Variants in UNC5C observed in about 807,000 individuals in gnomAD.
The protein encoded by UNC5C is unc-5 netrin receptor C.
In UNC5C, 47 loss-of-function variants were observed where a neutral mutation model predicts 99.8. The observed-to-expected ratio is 0.47, with a 90% CI of 0.37 to 0.60. The LOEUF (loss-of-function observed/expected upper bound fraction) is 0.60, where lower values mean the gene tolerates loss of function less well. Ranked by LOEUF, UNC5C falls within the 20% of genes least tolerant of loss-of-function variation. The pLI, the probability that UNC5C is intolerant of heterozygous loss-of-function variation, is 0.00. For synonymous variants in UNC5C, 487 were observed against 452.2 expected, an observed-to-expected ratio of 1.08 and a Z score of -0.98; for missense variants, 1,062 against 1,165.9, an observed-to-expected ratio of 0.91 and a Z score of 1.30.
At position 95,187,997 on chromosome 4, in the gene UNC5C, A is replaced by G. The variant is rs548845355; in HGVS notation, c.2137-2801T>C. Among the ~76,000 whole-genome samples the G allele has an allele frequency of 2.0e-5, 3 of 152,364 alleles. No homozygotes were observed. In the East Asian group the frequency reaches 5.8e-4, roughly 29 times the overall value. The stretch of plus-strand genomic sequence containing the variant: ...CAAAACATTGAGCATGCATATTTAT[A>G]AATTACATATCTCTATTATCAGTAT... On this transcript the variant is annotated intron_variant, in intron 12 of 15. Transcript: ENST00000453304.
At chr4:95,338,072 T>C (rs1044590890) in intron 1 of UNC5C, among the ~76,000 whole-genome samples, 2 of 152,024 alleles carry the variant, frequency 1.3e-5, no homozygotes, top group East Asian at 1.9e-4. Context: ...TTAGTAGATA[T>C]GTACAGTGGG....
At chr4:95,434,207 T>G (rs999506256) in intron 1 of UNC5C, among the ~76,000 whole-genome samples, 1 of 152,144 alleles carries the variant, frequency 6.6e-6, no homozygotes. Context: ...GAATGAATTA[T>G]AGCCCTCTTT....
chr4:95,511,318 T>C (rs1228343987), intron 1 of UNC5C, among the ~76,000 whole-genome samples: 2 of 151,944 alleles, frequency 1.3e-5, no homozygotes, highest in African/African-American at 4.8e-5. Context: ...ATCGGGTTAA[T>C]ATCAGGATCA....
At position 95,505,999 on chromosome 4, in the gene UNC5C, C is replaced by A. The variant is rs191846887; in HGVS notation, c.124+42735G>T. Among the ~76,000 whole-genome samples the A allele has an allele frequency of 5.1e-4, 78 of 151,912 alleles. 1 individual carries two copies. In the Admixed American group the frequency reaches 5.1e-3, roughly 10 times the overall value. ...TGCTACCAGAAGACTAGAAAATATGCTGACATGTGCCTTTTCTCTTAGTAT... is the reference window on the plus strand; with the variant it reads ...TGCTACCAGAAGACTAGAAAATATGATGACATGTGCCTTTTCTCTTAGTAT... On this transcript the variant is annotated intron_variant, in intron 1 of 15. Transcript: ENST00000453304.
At chr4:95,430,005 G>A (rs1746588670) in intron 1 of UNC5C, among the ~76,000 whole-genome samples, 1 of 152,076 alleles carries the variant, frequency 6.6e-6, no homozygotes, top group African/African-American at 2.4e-5. Flanking sequence ...GGGGTTAGTG[G>A]GGAGGGAGAG....
intron 1 of UNC5C, among the ~76,000 whole-genome samples, chr4:95,448,198 CTCTG>C (rs142131325): frequency 0.012 from 1,234 of 103,812 alleles, 16 homozygotes; most frequent in Middle Eastern, 0.024. Flanking sequence ...ATGTGTGTGT[CTCTG>C]TGTGTGTGTG....
In UNC5C at chr4:95,408,618, T is replaced by C. The variant is rs77602598; in HGVS notation, c.125-72987A>G. 2.8e-4 allele frequency among the ~76,000 whole-genome samples: 43 copies of C among 152,244 alleles called. 2 individuals are homozygous for C. In the East Asian group the frequency reaches 8.3e-3, roughly 29 times the overall value. On this transcript the variant is annotated intron_variant, in intron 1 of 15. Transcript: ENST00000453304. ...TATATACTAACTGAACACTGAACCG[T>C]TTAATAAGAAAGAGAATCAAGTTTG...
At chr4:95,423,197 T>G (rs1234310128) in intron 1 of UNC5C, among the ~76,000 whole-genome samples, 1 of 152,164 alleles carries the variant, frequency 6.6e-6, no homozygotes, top group Non-Finnish European at 1.5e-5. Context: ...AAAAATCATG[T>G]GAGTAGACTG....
At chr4:95,244,137 GAAGT>G (rs1267085922) in intron 6 of UNC5C, among the ~76,000 whole-genome samples, 1 of 152,154 alleles carries the variant, frequency 6.6e-6, no homozygotes, top group Non-Finnish European at 1.5e-5. Flanking sequence ...GCAAAAAGGA[GAAGT>G]AAGGAGGCTG....
intron 1 of UNC5C, among the ~76,000 whole-genome samples, chr4:95,470,260 A>G (rs1486573559): frequency 2.0e-5 from 3 of 152,154 alleles, no homozygotes; most frequent in Non-Finnish European, 4.4e-5. Context: ...AAATTGCTAC[A>G]ATCTCCAAAA....
chr4:95,515,373 T>G (rs929697444), intron 1 of UNC5C, among the ~76,000 whole-genome samples: 1 of 152,182 alleles, frequency 6.6e-6, no homozygotes, highest in Non-Finnish European at 1.5e-5. Flanking sequence ...TTGCCCAAAT[T>G]TAAACACTTA....
At chr4:95,465,906 TC>T (rs1387877810) in intron 1 of UNC5C, among the ~76,000 whole-genome samples, 1 of 152,164 alleles carries the variant, frequency 6.6e-6, no homozygotes, top group East Asian at 1.9e-4. Context: ...TCAGAGCTTT[TC>T]TTTGCCATAC....
At chr4:95,521,133 G>T (rs540349499) in intron 1 of UNC5C, among the ~76,000 whole-genome samples, 1 of 151,748 alleles carries the variant, frequency 6.6e-6, no homozygotes, top group African/African-American at 2.4e-5. Flanking sequence ...GGCTCTTTCT[G>T]GTTATATCCT....
intron 2 of UNC5C, among the ~76,000 whole-genome samples, chr4:95,319,516 A>G (rs1393792473): frequency 1.3e-5 from 2 of 152,234 alleles, no homozygotes; most frequent in African/African-American, 4.8e-5. Context: ...AGACCCTGAT[A>G]GTTGGCAAAT....
At chr4:95,190,737 A>G (rs1189057401) in intron 12 of UNC5C, among the ~76,000 whole-genome samples, 1 of 152,126 alleles carries the variant, frequency 6.6e-6, no homozygotes, top group African/African-American at 2.4e-5. Context: ...ACCATCAGTC[A>G]CCAGAAGCAG....
At chr4:95,400,386 T>A (rs968940834) in intron 1 of UNC5C, among the ~76,000 whole-genome samples, 1 of 100,644 alleles carries the variant, frequency 9.9e-6, no homozygotes, top group Non-Finnish European at 1.8e-5. Context: ...GATGAATTCT[T>A]TTTTTTTTTT....
intron 1 of UNC5C, among the ~76,000 whole-genome samples, chr4:95,389,983 T>G (rs1163417796): frequency 2.0e-5 from 3 of 152,202 alleles, no homozygotes; most frequent in African/African-American, 4.8e-5. Context: ...AGCATTACGC[T>G]AGAAAGTATG....
chr4:95,510,048 G>A (rs192487833), intron 1 of UNC5C, among the ~76,000 whole-genome samples: 261 of 151,960 alleles, frequency 1.7e-3, no homozygotes, highest in Non-Finnish European at 3.0e-3. Context: ...GAAATTGGAA[G>A]TATAACTAAA....
At chr4:95,226,686 G>A (rs1738703060) in intron 7 of UNC5C, among the ~76,000 whole-genome samples, 1 of 152,198 alleles carries the variant, frequency 6.6e-6, no homozygotes, top group Non-Finnish European at 1.5e-5. Flanking sequence ...GTCCTTTGTG[G>A]CTTCTGGCAA....
Sources: allele counts gnomAD v4.1 joint callset (sites outside exome capture counted in the v4.1 genomes callset), GRCh38; gene constraint gnomAD v4.1.1; transcripts MANE v1.5; gene names NCBI Gene and HGNC (gene_info 2026-07-23, HGNC 2026-07-21).